The following OIP5 variants were observed in gnomAD, a reference collection of about 807,000 sequenced individuals.
The protein encoded by OIP5 is Opa interacting protein 5.
OIP5 carries 24 observed loss-of-function variants against 20.3 expected under a neutral mutation model. The ratio of observed to expected loss-of-function variants is 1.18; its 90% CI spans 0.86 to 1.66. The LOEUF (loss-of-function observed/expected upper bound fraction) is 1.66, where lower values mean the gene tolerates loss of function less well. Among genes scored for constraint, OIP5 ranks in the 40% most tolerant of loss-of-function variants. The probability of loss-of-function intolerance (pLI) is 0.00; values close to 1 mark genes in which losing one functional copy is unlikely to be tolerated. For missense variants in OIP5, 339 were observed against 289.5 expected, an observed-to-expected ratio of 1.17 and a Z score of -1.24; for synonymous variants, 143 against 121.3, an observed-to-expected ratio of 1.18 and a Z score of -1.17.
chr15:41,322,443 G>T (rs1370340814), intron 2 of OIP5, among the ~76,000 whole-genome samples: 2 of 151,986 alleles, frequency 1.3e-5, no homozygotes, highest in Non-Finnish European at 2.9e-5. Context: ...CTGTCGCCCA[G>T]GTTAGAACGT....
rs534201431 is a variant in OIP5, at chr15:41,319,648, G to C, written c.512+10C>G. 6.3e-7 allele frequency: 1 copy of C among 1,599,954 alleles called. No homozygotes were observed. Among genetic ancestry groups the C allele is most frequent in the Admixed American group, 1.8e-5 (1 of 55,580 alleles). ...AATGTATTTGATGATCAATATCTAA[G>C]TCTACTCACCACACCATTTTGTCAC... On this transcript the variant is annotated intron_variant, in intron 3 of 4. Transcript: ENST00000220514.
chr15:41,329,674 T>A (rs186966553), intron 2 of OIP5, among the ~76,000 whole-genome samples: 1 of 151,676 alleles, frequency 6.6e-6, no homozygotes, highest in East Asian at 2.0e-4. Flanking sequence ...ATAATGTGAG[T>A]CACATATGTA....
chr15:41,323,821 T>C (rs2140464446), intron 2 of OIP5, among the ~76,000 whole-genome samples: 1 of 152,152 alleles, frequency 6.6e-6, no homozygotes, highest in Non-Finnish European at 1.5e-5. Flanking sequence ...AAGTCTGAGA[T>C]GGTATCTTCT....
intron 2 of OIP5, among the ~76,000 whole-genome samples, chr15:41,320,511 C>T (rs1418566157): frequency 3.3e-5 from 5 of 152,152 alleles, no homozygotes; most frequent in African/African-American, 9.7e-5. Context: ...AGCTCCTAAC[C>T]GCGAGTGATC....
At chr15:41,322,226 C>T (rs2047834812) in intron 2 of OIP5, among the ~76,000 whole-genome samples, 2 of 152,016 alleles carry the variant, frequency 1.3e-5, no homozygotes, top group South Asian at 2.1e-4. Flanking sequence ...ATAGCTTGAG[C>T]CCAGGAATTC....
chr15:41,321,338 G>A (rs1285907550), intron 2 of OIP5, among the ~76,000 whole-genome samples: 1 of 151,194 alleles, frequency 6.6e-6, no homozygotes, highest in African/African-American at 2.4e-5. Context: ...CGCCCCGTCC[G>A]CGAGGTGATG....
In OIP5 at chr15:41,309,716, A is replaced by G. The variant is rs752690691; in HGVS notation, c.*38T>C. On this transcript the variant is annotated 3_prime_UTR_variant, in exon 5 of 5. Transcript: ENST00000220514. The stretch of plus-strand genomic sequence containing the variant: ...GCAGCACCTGTTGTTGAAGACAGCA[A>G]TAAAGCCTGAACCTGACACTCAAGC... The G allele has an allele frequency of 6.5e-6, 9 of 1,388,044 alleles. No homozygotes were observed. Among genetic ancestry groups the G allele is most frequent in the East Asian group, 2.3e-5 (1 of 43,534 alleles). The allele number at this position is 1,388,044 out of a possible 1,614,324, so 86.0% of individuals were successfully genotyped here. A position where few individuals can be genotyped will look rare whatever the true frequency, so the allele number is the denominator to read the frequency against.
chr15:41,318,258 G>T (rs1175285310), intron 3 of OIP5, among the ~76,000 whole-genome samples: 1 of 152,206 alleles, frequency 6.6e-6, no homozygotes, highest in Non-Finnish European at 1.5e-5. Context: ...CGCCTCCTGG[G>T]TTCAAGCAAT....
chr15:41,313,235 G>A, intron 4 of OIP5, 38 bp downstream of exon 4: 1 of 1,240,566 alleles, frequency 8.1e-7, no homozygotes, highest in South Asian at 1.2e-5. Flanking sequence ...AGAGTTGTCT[G>A]TATTTTAAAA....
chr15:41,327,832 G>A (rs1217059324), intron 2 of OIP5, among the ~76,000 whole-genome samples: 3 of 152,070 alleles, frequency 2.0e-5, no homozygotes, highest in Non-Finnish European at 4.4e-5. Context: ...GAAAGGCTGA[G>A]TGCAGTGGCT....
Position 41,331,914 on chromosome 15 carries a change from C to T in OIP5, c.389+1G>A. On this transcript the variant is annotated splice_donor_variant, in intron 2 of 4. Transcript: ENST00000220514. LOFTEE classifies it high-confidence loss of function. ...AGACCAATGTAATTATCAATACGTA[C>T]CTGCCTTTGAGTGAACCTTCAATGC... The T allele has an allele frequency of 2.5e-6, 4 of 1,613,218 alleles. No homozygotes were observed. Among genetic ancestry groups the T allele is most frequent in the Non-Finnish European group, 3.4e-6 (4 of 1,179,234 alleles).
chr15:41,331,197 A>G (rs1184703583), intron 2 of OIP5, among the ~76,000 whole-genome samples: 2 of 152,210 alleles, frequency 1.3e-5, no homozygotes. Context: ...GGAGCCTTGC[A>G]ATACCAAATT....
At chr15:41,317,386 T>C (rs947699281) in intron 3 of OIP5, among the ~76,000 whole-genome samples, 5 of 151,090 alleles carry the variant, frequency 3.3e-5, no homozygotes, top group African/African-American at 9.7e-5. Context: ...TTTTTCTTTT[T>C]TTTTTTTTTT....
intron 2 of OIP5, among the ~76,000 whole-genome samples, chr15:41,321,366 G>A (rs1208975724): frequency 4.0e-5 from 6 of 150,582 alleles, no homozygotes; most frequent in Admixed American, 3.3e-4. Context: ...CTGCCCGGCC[G>A]CCCCTACTGG....
At position 41,319,683 on chromosome 15, in the gene OIP5, A is replaced by C. The variant is rs1346550083; in HGVS notation, c.487T>G (p.Cys163Gly). 1.9e-6 allele frequency: 3 copies of C among 1,613,778 alleles called. No individual in the cohort carries two copies. Residue 163 changes from cysteine to glycine, a missense_variant, in exon 3 of 5, where the codon TGC becomes GGC. Coordinates refer to ENST00000220514, the MANE Select transcript of OIP5 (RefSeq NM_007280.2). ...AALAALRGHF[C>G]LSSDKMVCYL... is the part of the protein sequence containing the mutation. ...CACACCATTTTGTCACTGGAAAGGC[A>C]GAAGTGACCTCTCAAGGCAGCCAGG...
At chr15:41,327,606 G>A (rs8034463) in intron 2 of OIP5, among the ~76,000 whole-genome samples, 1,702 of 151,970 alleles carry the variant, frequency 0.011, 38 homozygotes, top group African/African-American at 0.04. Context: ...TGGCCAACAT[G>A]GTGAAACCCC....
chr15:41,325,948 G>T (rs1335180547), intron 2 of OIP5, among the ~76,000 whole-genome samples: 2 of 151,944 alleles, frequency 1.3e-5, no homozygotes, highest in Non-Finnish European at 2.9e-5. Flanking sequence ...GATCACTTGA[G>T]GTCAGGAGTT....
chr15:41,325,611 G>GGAA (rs1393019534), intron 2 of OIP5, among the ~76,000 whole-genome samples: 2 of 148,854 alleles, frequency 1.3e-5, no homozygotes, highest in Non-Finnish European at 3.0e-5. Flanking sequence ...AGCACTATGG[G>GGAA]AAGCCAAGGC....
At chr15:41,329,063 C>CAAAAAAAAAAAAAAAA (rs1166517767) in intron 2 of OIP5, among the ~76,000 whole-genome samples, 2 of 50,356 alleles carry the variant, frequency 4.0e-5, no homozygotes, top group African/African-American at 7.6e-5. Flanking sequence ...GACTCCATCT[C>CAAAAAAAAAAAAAAAA]AAAAAAAAAA....
Sources: allele counts gnomAD v4.1 joint callset (sites outside exome capture counted in the v4.1 genomes callset), GRCh38; gene constraint gnomAD v4.1.1; transcripts MANE v1.5; gene names NCBI Gene and HGNC (gene_info 2026-07-23, HGNC 2026-07-21).